COLEC10: variants seen among roughly 807,000 people sequenced by gnomAD.
COLEC10 encodes collectin-10.
Under a neutral mutation model 28.4 loss-of-function variants are expected in COLEC10, and 22 were observed. That is an observed-to-expected ratio of 0.78 (90% CI 0.55 to 1.11). COLEC10 has a LOEUF of 1.11. Among genes scored for constraint, COLEC10 ranks in the 50% least tolerant of loss-of-function variants. The pLI, the probability that COLEC10 is intolerant of heterozygous loss-of-function variation, is 0.00. For missense variants in COLEC10, 361 were observed against 344.1 expected (o/e 1.05, Z -0.39); for synonymous variants, 125 against 116.1 (o/e 1.08, Z -0.49).
chr8:119,079,404 C>G (rs1815324209), intron 1 of COLEC10, among the ~76,000 whole-genome samples: 1 of 152,132 alleles, frequency 6.6e-6, no homozygotes, highest in Non-Finnish European at 1.5e-5. Flanking sequence ...GCTTTGATCC[C>G]AGATCCTATG....
rs1387717101 is a variant in COLEC10 at position 119,011,537 on chromosome 8, G to A, written n.235+1984G>A. On this transcript the variant is annotated intron_variant and non_coding_transcript_variant, in intron 2 of 6. Coordinates refer to the COLEC10 transcript ENST00000521788. ...GCTGGGTGGGATTTGATTGAGATTG[G>A]ATCAAATCCATAGATCAAGTTAGAA... Among the ~76,000 whole-genome samples the A allele has an allele frequency of 1.3e-4, 20 of 150,628 alleles. 3 individuals carry two copies. The highest frequency in any genetic ancestry group is 5.0e-4 in the African/African-American group (20 of 40,216).
chr8:119,022,993 T>A (rs987098245), intron 2 of COLEC10, among the ~76,000 whole-genome samples: 4 of 152,140 alleles, frequency 2.6e-5, no homozygotes, highest in Non-Finnish European at 4.4e-5. Context: ...GTCTTTGCAC[T>A]GCTTACTTAC....
the COLEC10 span, among the ~76,000 whole-genome samples, chr8:118,962,716 T>C: frequency 6.6e-6 from 1 of 152,218 alleles, no homozygotes; most frequent in Non-Finnish European, 1.5e-5. Context: ...TTTCTAGAAT[T>C]TATTAATCTA....
upstream of COLEC10, among the ~76,000 whole-genome samples, chr8:119,065,955 T>C (rs892322732): frequency 7.9e-5 from 12 of 152,284 alleles, no homozygotes; most frequent in African/African-American, 2.9e-4. Flanking sequence ...AAAATTGTCT[T>C]CCACCAAACT....
chr8:119,015,598 G>T (rs925879080), intron 2 of COLEC10, among the ~76,000 whole-genome samples: 1 of 152,160 alleles, frequency 6.6e-6, no homozygotes, highest in African/African-American at 2.4e-5. Flanking sequence ...TCCTGTTGGA[G>T]TTTTTGACCT....
intron 1 of COLEC10, among the ~76,000 whole-genome samples, chr8:119,071,311 G>T (rs867614703): frequency 6.6e-6 from 1 of 152,104 alleles, no homozygotes; most frequent in Non-Finnish European, 1.5e-5. Flanking sequence ...TTTTAGTAGG[G>T]CCTTTTCAAT....
At chr8:119,065,732 C>A (rs1036983790), upstream of COLEC10, among the ~76,000 whole-genome samples, 1 of 151,608 alleles carries the variant, frequency 6.6e-6, no homozygotes, top group Non-Finnish European at 1.5e-5. Context: ...GTGGTGTACA[C>A]CTGTAATCTC....
chr8:118,994,005 GATC>G (rs1341988756), upstream of COLEC10, among the ~76,000 whole-genome samples: 3 of 152,286 alleles, frequency 2.0e-5, no homozygotes, highest in East Asian at 3.9e-4. Context: ...AGTGTCAGGT[GATC>G]ATCATCTTAA....
At chr8:119,090,532 T>C (rs1815568901) in intron 2 of COLEC10, among the ~76,000 whole-genome samples, 1 of 152,240 alleles carries the variant, frequency 6.6e-6, no homozygotes, top group Non-Finnish European at 1.5e-5. Context: ...TATGTATACA[T>C]ATGCATGTCG....
Position 119,089,662 on chromosome 8 carries a change from C to A in COLEC10, c.149-18C>A. 2.5e-6 allele frequency: 4 copies of A among 1,602,938 alleles called. No individual in the cohort carries two copies. The highest frequency in any genetic ancestry group is 3.4e-6 in the Non-Finnish European group (4 of 1,170,464). On this transcript the variant is annotated intron_variant, in intron 1 of 5. Transcript: ENST00000332843. ...CTGTTTGAGATGCTTCACTCTATCT[C>A]ATTTTCTGTTTCAAAAGGAGATGAT...
chr8:118,993,651 A>C (rs1813542485), upstream of COLEC10, among the ~76,000 whole-genome samples: 1 of 152,084 alleles, frequency 6.6e-6, no homozygotes, highest in African/African-American at 2.4e-5. Flanking sequence ...CACCACACCC[A>C]GCCATGGTCT....
chr8:118,981,884 T>A, the COLEC10 span, among the ~76,000 whole-genome samples: 30 of 152,218 alleles, frequency 2.0e-4, no homozygotes, highest in Admixed American at 1.8e-3. Flanking sequence ...CATGAAACAA[T>A]GACTTCCTGG....
chr8:118,952,736 G>A, the COLEC10 span, among the ~76,000 whole-genome samples: 1 of 152,186 alleles, frequency 6.6e-6, no homozygotes, highest in Non-Finnish European at 1.5e-5. Flanking sequence ...CCTACGCGCT[G>A]AACTTCTGGA....
At chr8:118,957,447 G>T in the COLEC10 span, among the ~76,000 whole-genome samples, 1 of 152,160 alleles carries the variant, frequency 6.6e-6, no homozygotes, top group Admixed American at 6.5e-5. Flanking sequence ...GTAGAGAAAA[G>T]AACACATGAG....
At chr8:118,959,991 T>C in the COLEC10 span, among the ~76,000 whole-genome samples, 1 of 152,202 alleles carries the variant, frequency 6.6e-6, no homozygotes, top group Non-Finnish European at 1.5e-5. Flanking sequence ...AAGGATATAT[T>C]TGAAAGGAGA....
chr8:119,105,568 A>T (rs1203394535), intron 5 of COLEC10, among the ~76,000 whole-genome samples: 6 of 152,122 alleles, frequency 3.9e-5, no homozygotes, highest in African/African-American at 1.4e-4. Context: ...TGTGCTGGCC[A>T]GGTGTGTGAG....
upstream of COLEC10, among the ~76,000 whole-genome samples, chr8:119,066,112 C>T (rs1467629405): frequency 1.3e-5 from 2 of 152,146 alleles, no homozygotes; most frequent in Admixed American, 6.5e-5. Flanking sequence ...AACGACATCT[C>T]TTAGGGATAT....
intron 1 of COLEC10, among the ~76,000 whole-genome samples, chr8:119,075,908 T>C (rs1815219946): frequency 2.3e-5 from 2 of 88,196 alleles, no homozygotes; most frequent in Admixed American, 2.2e-4. Context: ...TTTTTTTTTT[T>C]TTTTTTTTGT....
At chr8:118,997,283 G>A (rs116928315) in intron 1 of COLEC10, among the ~76,000 whole-genome samples, 1,992 of 151,936 alleles carry the variant, frequency 0.013, 23 homozygotes, top group Middle Eastern at 0.024. Context: ...TGATTGTTTC[G>A]TTCCCTGTGC....
Sources: gnomAD v4.1 joint callset for allele counts (sites outside exome capture counted in the v4.1 genomes callset) on GRCh38, gnomAD v4.1.1 for gene constraint, MANE v1.5 for transcripts, NCBI Gene and HGNC (gene_info 2026-07-23, HGNC 2026-07-21) for gene names.